Variants in COL25A1 observed in about 807,000 individuals in gnomAD.
COL25A1 encodes the protein collagen alpha-1(XXV) chain.
COL25A1 carries 103 observed loss-of-function variants against 128.4 expected under a neutral mutation model. That is an observed-to-expected ratio of 0.80 (90% CI 0.68 to 0.94). The LOEUF (loss-of-function observed/expected upper bound fraction) is 0.94, where lower values mean the gene tolerates loss of function less well. Among genes scored for constraint, COL25A1 ranks in the 40% least tolerant of loss-of-function variants. COL25A1 has a pLI of 0.00. For synonymous variants in COL25A1, 279 were observed against 277.2 expected, an observed-to-expected ratio of 1.01 and a Z score of -0.06; for missense variants, 745 against 840.0, an observed-to-expected ratio of 0.89 and a Z score of 1.40.
intron 3 of COL25A1, among the ~76,000 whole-genome samples, chr4:109,208,068 G>A (rs939128000): frequency 1.3e-5 from 2 of 152,130 alleles, no homozygotes; most frequent in Non-Finnish European, 2.9e-5. Flanking sequence ...AAAGAGACAC[G>A]CATATATACG....
chr4:108,938,336 G>C (rs1239901218), intron 10 of COL25A1, among the ~76,000 whole-genome samples: 6 of 152,028 alleles, frequency 3.9e-5, no homozygotes, highest in Admixed American at 3.9e-4. Context: ...ACAGTCATTG[G>C]CTAAAAATAT....
intron 3 of COL25A1, among the ~76,000 whole-genome samples, chr4:109,198,080 T>C (rs1005265272): frequency 1.3e-5 from 2 of 152,178 alleles, no homozygotes; most frequent in Admixed American, 6.5e-5. Context: ...TTTATATCAA[T>C]TGTTTGCTTT....
intron 26 of COL25A1, among the ~76,000 whole-genome samples, chr4:108,851,280 G>A (rs1409909419): frequency 1.3e-5 from 2 of 151,964 alleles, no homozygotes; most frequent in African/African-American, 4.8e-5. Flanking sequence ...TGTTATACAA[G>A]AAATCTATTT....
chr4:109,258,307 G>A (rs1022865276), intron 3 of COL25A1, among the ~76,000 whole-genome samples: 1 of 152,090 alleles, frequency 6.6e-6, no homozygotes, highest in African/African-American at 2.4e-5. Flanking sequence ...CTTTTTCACT[G>A]CCTATATGCA....
intron 5 of COL25A1, among the ~76,000 whole-genome samples, chr4:109,034,155 T>C (rs1759122343): frequency 6.6e-6 from 1 of 152,180 alleles, no homozygotes; most frequent in African/African-American, 2.4e-5. Flanking sequence ...CATCTTTACC[T>C]AAAAGTTCTC....
chr4:109,038,426 G>T (rs536861736), intron 5 of COL25A1, among the ~76,000 whole-genome samples: 3 of 152,102 alleles, frequency 2.0e-5, no homozygotes, highest in Non-Finnish European at 4.4e-5. Flanking sequence ...TCCCACAACC[G>T]CATGACCAAT....
At chr4:109,029,063 T>C (rs1312373049) in intron 5 of COL25A1, among the ~76,000 whole-genome samples, 1 of 152,160 alleles carries the variant, frequency 6.6e-6, no homozygotes, top group Non-Finnish European at 1.5e-5. Flanking sequence ...CAGAGTTTCA[T>C]TGTAAAAGGG....
At chr4:108,842,806 AAG>A (rs1734601543) in intron 30 of COL25A1, among the ~76,000 whole-genome samples, 1 of 152,134 alleles carries the variant, frequency 6.6e-6, no homozygotes, top group Non-Finnish European at 1.5e-5. Context: ...AAAAAGCCAA[AAG>A]TATGCCATTT....
At chr4:108,919,362 G>C (rs1745231734) in intron 12 of COL25A1, among the ~76,000 whole-genome samples, 1 of 152,142 alleles carries the variant, frequency 6.6e-6, no homozygotes, top group Non-Finnish European at 1.5e-5. Flanking sequence ...GATTAGAGTA[G>C]CTTTACAATT....
chr4:109,159,066 C>T (rs959691606), intron 3 of COL25A1, among the ~76,000 whole-genome samples: 5 of 151,798 alleles, frequency 3.3e-5, no homozygotes, highest in Non-Finnish European at 5.9e-5. Context: ...AACAGACTTC[C>T]GATGTTACTA....
chr4:109,008,753 G>A (rs201032361), intron 6 of COL25A1, among the ~76,000 whole-genome samples: 8 of 41,804 alleles, frequency 1.9e-4, no homozygotes, highest in South Asian at 1.5e-3. Context: ...ATACATGCGC[G>A]CGCACACACA....
intron 5 of COL25A1, among the ~76,000 whole-genome samples, chr4:109,027,875 A>G (rs1758458223): frequency 6.6e-6 from 1 of 152,188 alleles, no homozygotes; most frequent in Admixed American, 6.5e-5. Context: ...GAATTCCAGC[A>G]TTTGGTTTTG....
In COL25A1 at chr4:109,008,748, T is replaced by TGC. The variant is rs201896388; in HGVS notation, c.438+1608_438+1609dup. On this transcript the variant is annotated intron_variant, in intron 6 of 37. Transcript: ENST00000399132. ...GTTTCTGTATGTTTATACACATACA[T>TGC]GCGCGCGCACACACACACACACACA... is the stretch of plus-strand genomic sequence containing the variant. 7.5e-3 allele frequency among the ~76,000 whole-genome samples: 318 copies of TGC among 42,184 alleles called. 1 individual carries two copies. Among genetic ancestry groups the TGC allele is most frequent in the Admixed American group, 0.032 (91 of 2,840 alleles). The allele number at this position is 42,184 out of a possible 152,430, so 27.7% of individuals were successfully genotyped here.
At chr4:108,825,123 C>G in intron 34 of COL25A1, 73 bp downstream of exon 34, 2 of 1,243,566 alleles carry the variant, frequency 1.6e-6, no homozygotes. Flanking sequence ...AAGAAGTATT[C>G]TTTTTGTTAT....
chr4:108,931,509 A>T (rs1196227358), intron 11 of COL25A1, among the ~76,000 whole-genome samples: 1 of 152,234 alleles, frequency 6.6e-6, no homozygotes. Context: ...TTTCTGCTAC[A>T]TAATCATGCT....
chr4:108,846,991 C>T (rs534166219), intron 27 of COL25A1, among the ~76,000 whole-genome samples: 7 of 151,424 alleles, frequency 4.6e-5, no homozygotes, highest in South Asian at 2.1e-4. Flanking sequence ...CTGCAACCTC[C>T]GGCTCCTGGG....
chr4:108,860,438 C>T (rs906374750), intron 23 of COL25A1, among the ~76,000 whole-genome samples: 2 of 152,110 alleles, frequency 1.3e-5, no homozygotes, highest in African/African-American at 4.8e-5. Flanking sequence ...AAATACTTGG[C>T]TTTCCCATCA....
chr4:109,127,244 T>C (rs1768709539), intron 3 of COL25A1, among the ~76,000 whole-genome samples: 1 of 152,206 alleles, frequency 6.6e-6, no homozygotes, highest in Non-Finnish European at 1.5e-5. Flanking sequence ...TGTGCTACTT[T>C]AATTAAACAT....
At chr4:109,029,604 T>C (rs1758640866) in intron 5 of COL25A1, among the ~76,000 whole-genome samples, 1 of 152,200 alleles carries the variant, frequency 6.6e-6, no homozygotes, top group African/African-American at 2.4e-5. Context: ...GGTGTATGTG[T>C]GTGGTATATG....
Sources: allele counts gnomAD v4.1 joint callset (sites outside exome capture counted in the v4.1 genomes callset), GRCh38; gene constraint gnomAD v4.1.1; transcripts MANE v1.5; gene names NCBI Gene and HGNC (gene_info 2026-07-23, HGNC 2026-07-21).